GLRX3: variants seen among roughly 807,000 people sequenced by gnomAD.
GLRX3 encodes the protein glutaredoxin 3.
Under a neutral mutation model 49.5 loss-of-function variants are expected in GLRX3, and 22 were observed. The ratio of observed to expected loss-of-function variants is 0.44; its 90% confidence interval spans 0.32 to 0.63. The LOEUF (loss-of-function observed/expected upper bound fraction) is 0.63. GLRX3 is among the 30% of genes least tolerant of loss of function. The pLI is 0.05. For missense variants in GLRX3, 385 were observed against 396.3 expected (o/e 0.97, Z 0.24); for synonymous variants, 133 against 140.0 (o/e 0.95, Z 0.35).
intron 8 of GLRX3, among the ~76,000 whole-genome samples, chr10:130,172,038 A>T (rs184649677): frequency 2.0e-5 from 3 of 152,306 alleles, no homozygotes; most frequent in Admixed American, 2.0e-4. Context: ...CTATATCCAT[A>T]CATATCTGTA....
At chr10:130,177,365 G>A (rs563643186) in intron 10 of GLRX3, among the ~76,000 whole-genome samples, 48 of 152,184 alleles carry the variant, frequency 3.2e-4, no homozygotes, top group Non-Finnish European at 6.2e-4. Context: ...TAGAAGATTT[G>A]GTTAGGTTTA....
At chr10:130,166,319 G>A (rs1323483315) in intron 4 of GLRX3, among the ~76,000 whole-genome samples, 188 bp from the exon 5 acceptor site, 1 of 151,764 alleles carries the variant, frequency 6.6e-6, no homozygotes, top group Non-Finnish European at 1.5e-5. Flanking sequence ...ATGGTTCAAG[G>A]TCAAATAAGG....
chr10:130,146,039 C>T (rs1032904052), intron 2 of GLRX3, among the ~76,000 whole-genome samples: 3 of 152,192 alleles, frequency 2.0e-5, no homozygotes, highest in African/African-American at 7.2e-5. Context: ...GTGATCTGCT[C>T]ACCTTGGCCT....
Position 130,169,498 on chromosome 10 carries a change from A to AC in GLRX3, c.771+9dup, listed in dbSNP as rs762834455. On this transcript the variant is annotated intron_variant, in intron 7 of 10. Transcript: ENST00000331244. The stretch of plus-strand genomic sequence containing the variant: ...ATGAAAGGAAACAAACAGGTAAAGA[A>AC]CTCAAAAATGGTTTTATTTGTAATT... 3.2e-6 allele frequency: 5 copies of AC among 1,578,488 alleles called. No individual in the cohort carries two copies. The Admixed American group carries it at 8.3e-5, about 26-fold the overall frequency.
At chr10:130,163,748 T>A (rs1034151319) in intron 4 of GLRX3, among the ~76,000 whole-genome samples, 6 of 152,254 alleles carry the variant, frequency 3.9e-5, no homozygotes, top group African/African-American at 7.2e-5. Flanking sequence ...CCTCTGCTGT[T>A]CCTTTCTGAG....
intron 2 of GLRX3, among the ~76,000 whole-genome samples, chr10:130,158,825 T>C (rs1271685934): frequency 6.6e-6 from 1 of 152,204 alleles, no homozygotes; most frequent in Non-Finnish European, 1.5e-5. Context: ...AGAATTTTCA[T>C]ATAAGTACAT....
rs990782584 is a variant in GLRX3, at chr10:130,136,468, C to T, written c.48C>T (p.Val16=). Residue 16 remains valine (V), a synonymous_variant, in exon 1 of 11, where the codon GTC becomes GTT. Coordinates refer to ENST00000331244, the MANE Select transcript of GLRX3 (RefSeq NM_006541.5). ...CAGCTGTAGCGGCCGTGGAGGAGGTCGGCTCAGCCGGGCAGTTTGAGGAGC... is the reference window on the plus strand; with the variant it reads ...CAGCTGTAGCGGCCGTGGAGGAGGTTGGCTCAGCCGGGCAGTTTGAGGAGC... ...AEAAVAAVEE[V]GSAGQFEELL... The T allele has an allele frequency of 6.3e-6, 8 of 1,264,930 alleles. No individual in the cohort carries two copies. Among genetic ancestry groups the T allele is most frequent in the Non-Finnish European group, 7.0e-6 (7 of 999,152 alleles). 78.4% of individuals were successfully genotyped at this position (1,264,930 alleles called of 1,614,324 possible).
chr10:130,157,756 G>C (rs1273196599), intron 2 of GLRX3, among the ~76,000 whole-genome samples: 1 of 152,056 alleles, frequency 6.6e-6, no homozygotes, highest in South Asian at 2.1e-4. Context: ...CTGTAGGCTA[G>C]GCTGTTTTAT....
intron 2 of GLRX3, among the ~76,000 whole-genome samples, chr10:130,156,713 A>G (rs1862477751): frequency 6.6e-6 from 1 of 152,164 alleles, no homozygotes; most frequent in African/African-American, 2.4e-5. Flanking sequence ...TAGAGAGAGG[A>G]TTCCCCATCT....
At chr10:130,146,016 G>T (rs1425297314) in intron 2 of GLRX3, among the ~76,000 whole-genome samples, 1 of 152,050 alleles carries the variant, frequency 6.6e-6, no homozygotes, top group Non-Finnish European at 1.5e-5. Context: ...GATAGTCTTG[G>T]TCTCTTGACC....
At chr10:130,158,672 T>G (rs1862522273) in intron 2 of GLRX3, among the ~76,000 whole-genome samples, 1 of 152,164 alleles carries the variant, frequency 6.6e-6, no homozygotes, top group Non-Finnish European at 1.5e-5. Context: ...TCTGGTCATC[T>G]TTGATCTGAG....
intron 7 of GLRX3, among the ~76,000 whole-genome samples, chr10:130,171,147 A>AATAG: frequency 6.6e-6 from 1 of 151,984 alleles, no homozygotes; most frequent in South Asian, 2.1e-4. Flanking sequence ...TAAATAAATA[A>AATAG]ATAAAATAAA....
At chr10:130,161,148 T>A in intron 4 of GLRX3, 151 bp downstream of exon 4, 1 of 626,846 alleles carries the variant, frequency 1.6e-6, no homozygotes, top group African/African-American at 1.8e-5. Flanking sequence ...AGGTTATAAT[T>A]CCCAATGACA....
At chr10:130,145,385 G>T in intron 2 of GLRX3, 66 bp downstream of exon 2, 1 of 797,512 alleles carries the variant, frequency 1.3e-6, no homozygotes, top group East Asian at 2.5e-5. Flanking sequence ...GATTAGGGCT[G>T]GGTGCGGTAG....
In GLRX3 at chr10:130,179,475, G is replaced by T; in HGVS notation, c.*83G>T. The T allele has an allele frequency of 2.7e-6, 2 of 732,238 alleles. No individual in the cohort carries two copies. The highest frequency in any genetic ancestry group is 4.7e-6 in the Non-Finnish European group (2 of 428,668). 45.4% of individuals were successfully genotyped at this position (732,238 alleles called of 1,614,324 possible). A position where few individuals can be genotyped will look rare whatever the true frequency, so the allele number is the denominator to read the frequency against. On this transcript the variant is annotated 3_prime_UTR_variant, in exon 11 of 11. Transcript: ENST00000331244. ...GTTCATGATTTAGTCCTCAGAAATGGACTAGGAATAGAAAATTCCTGCTTT... is the reference window on the plus strand; with the variant it reads ...GTTCATGATTTAGTCCTCAGAAATGTACTAGGAATAGAAAATTCCTGCTTT...
chr10:130,172,010 A>G (rs1862819998), intron 8 of GLRX3, among the ~76,000 whole-genome samples: 1 of 152,194 alleles, frequency 6.6e-6, no homozygotes, highest in Non-Finnish European at 1.5e-5. Context: ...TGCCACTGAT[A>G]CTTTTCAGTT....
chr10:130,138,469 A>G (rs533229980), intron 1 of GLRX3, among the ~76,000 whole-genome samples: 7 of 152,258 alleles, frequency 4.6e-5, no homozygotes, highest in Admixed American at 2.6e-4. Flanking sequence ...GCCTTTGGAA[A>G]TGGGGAGGGG....
intron 1 of GLRX3, among the ~76,000 whole-genome samples, chr10:130,140,260 C>G (rs142411843): frequency 1.3e-5 from 2 of 152,186 alleles, no homozygotes; most frequent in African/African-American, 4.8e-5. Flanking sequence ...ATTACATTGT[C>G]TAAAGTTACA....
At chr10:130,141,323 G>C (rs997822417) in intron 1 of GLRX3, among the ~76,000 whole-genome samples, 3 of 151,130 alleles carry the variant, frequency 2.0e-5, no homozygotes, top group Non-Finnish European at 2.9e-5. Flanking sequence ...TTTTTTTTTT[G>C]GTCAATTTGG....
Sources: allele counts gnomAD v4.1 joint callset (sites outside exome capture counted in the v4.1 genomes callset), GRCh38; gene constraint gnomAD v4.1.1; transcripts MANE v1.5; gene names NCBI Gene and HGNC (gene_info 2026-07-23, HGNC 2026-07-21).